TEK: variants seen among roughly 807,000 people sequenced by gnomAD.
The protein encoded by TEK is angiopoietin-1 receptor.
Under a neutral mutation model 131.8 loss-of-function variants are expected in TEK, and 43 were observed. The ratio of observed to expected loss-of-function variants is 0.33; its 90% CI spans 0.26 to 0.42. TEK has a LOEUF of 0.42. TEK is among the 10% of genes least tolerant of loss of function. The pLI is 1.00. For missense variants in TEK, 1,162 were observed against 1,384.4 expected, an observed-to-expected ratio of 0.84 and a Z score of 2.55; for synonymous variants, 580 against 491.6, an observed-to-expected ratio of 1.18 and a Z score of -2.38.
chr9:27,213,766 C>T (rs1825717600), intron 18 of TEK, among the ~76,000 whole-genome samples, 169 bp downstream of exon 18: 1 of 152,158 alleles, frequency 6.6e-6, no homozygotes, highest in African/African-American at 2.4e-5. Flanking sequence ...TGGTTCCTAA[C>T]ATGATTGCAG....
In TEK at chr9:27,184,574, CT is replaced by C. The variant is rs555497169; in HGVS notation, c.1183-909del. On this transcript the variant is annotated intron_variant, in intron 8 of 22. Coordinates refer to ENST00000380036, the MANE Select transcript of TEK (RefSeq NM_000459.5). ...TCAGGTAGAAGAAGCCAATTGATGG[CT>C]TCCAAAATCTTATTGGCTTTTTCAT... Among the ~76,000 whole-genome samples the C allele has an allele frequency of 2.6e-5, 4 of 152,264 alleles. No individual in the cohort carries two copies. The South Asian group carries it at 8.3e-4, about 32-fold the overall frequency.
At chr9:27,213,124 ATC>A (rs1825695379) in intron 17 of TEK, among the ~76,000 whole-genome samples, 1 of 152,148 alleles carries the variant, frequency 6.6e-6, no homozygotes, top group East Asian at 1.9e-4. Context: ...ATTTTCTTCT[ATC>A]TAATTTCATA....
At chr9:27,228,004 G>A (rs981345722) in intron 21 of TEK, among the ~76,000 whole-genome samples, 2 of 152,132 alleles carry the variant, frequency 1.3e-5, no homozygotes, top group Non-Finnish European at 2.9e-5. Flanking sequence ...ACAGTACCGA[G>A]GGTAGGAACT....
intron 21 of TEK, among the ~76,000 whole-genome samples, chr9:27,222,834 A>G (rs933341384): frequency 1.5e-4 from 23 of 152,134 alleles, no homozygotes; most frequent in Non-Finnish European, 1.6e-4. Context: ...CTAGTGCAGC[A>G]TAATGACAGG....
At position 27,204,707 on chromosome 9, in the gene TEK, T is replaced by A. The variant is rs10967768; in HGVS notation, c.2210-204T>A. On this transcript the variant is annotated intron_variant, in intron 13 of 22. Coordinates refer to ENST00000380036, the MANE Select transcript of TEK (RefSeq NM_000459.5). The stretch of plus-strand genomic sequence containing the variant: ...CACTTTTGCATGTTTTTTTTTTTTT[T>A]AATCTTATTACAACCCTGTGAGTCA... Among the ~76,000 whole-genome samples the A allele has an allele frequency of 0.33, 50,257 of 151,168 alleles. 8,907 individuals carry two copies. Among genetic ancestry groups the A allele is most frequent in the African/African-American group, 0.46 (18,889 of 41,130 alleles).
At chr9:27,227,675 C>A (rs767942897) in intron 21 of TEK, among the ~76,000 whole-genome samples, 2 of 152,130 alleles carry the variant, frequency 1.3e-5, no homozygotes, top group South Asian at 2.1e-4. Context: ...GGGTTCTACC[C>A]TCATGACCTG....
chr9:27,218,258 G>A (rs1323476515), intron 19 of TEK, among the ~76,000 whole-genome samples: 8 of 40,224 alleles, frequency 2.0e-4, no homozygotes, highest in Non-Finnish European at 3.5e-4. Flanking sequence ...CCAAGGCCCC[G>A]AGGGTGGTGA....
chr9:27,191,666 G>T (rs1427073879), intron 10 of TEK, among the ~76,000 whole-genome samples: 3 of 152,026 alleles, frequency 2.0e-5, no homozygotes, highest in Non-Finnish European at 4.4e-5. Context: ...GAATAAAATG[G>T]TATTATTACT....
At chr9:27,203,662 T>A (rs543360697) in intron 13 of TEK, among the ~76,000 whole-genome samples, 11 of 152,264 alleles carry the variant, frequency 7.2e-5, no homozygotes, top group South Asian at 6.2e-4. Flanking sequence ...ATTGATAAAG[T>A]CTGTTGAGTG....
At chr9:27,219,648 G>C (rs970029260) in intron 20 of TEK, among the ~76,000 whole-genome samples, 1 of 59,992 alleles carries the variant, frequency 1.7e-5, no homozygotes, top group Non-Finnish European at 4.0e-5. Flanking sequence ...AAACCAACAT[G>C]CATGGCTTTT....
chr9:27,124,679 C>T lies in TEK; in HGVS notation c.52+15037C>T, dbSNP rs1005780635. ...GCTTTGCACTGTGGTGCAACTCACT[C>T]GGCTTCATCTGTAAAATATGCAGCA... On this transcript the variant is annotated intron_variant, in intron 1 of 22. Coordinates refer to ENST00000380036, the MANE Select transcript of TEK (RefSeq NM_000459.5). 3.9e-5 allele frequency among the ~76,000 whole-genome samples: 6 copies of T among 152,310 alleles called. No individual in the cohort carries two copies. In the South Asian group the frequency reaches 6.2e-4, roughly 16 times the overall value.
intron 16 of TEK, chr9:27,210,609 C>T (rs1825575575): frequency 6.5e-6 from 1 of 153,990 alleles, no homozygotes; most frequent in Non-Finnish European, 1.4e-5. Flanking sequence ...GAGAAATGGC[C>T]AGTTGATCCA....
rs1466318448 is a variant in TEK at position 27,168,549 on chromosome 9, A to T, written c.419A>T (p.Asn140Ile). Residue 140 changes from asparagine to isoleucine, a missense_variant, in exon 3 of 23, where the codon AAC becomes ATC. Coordinates refer to ENST00000380036, the MANE Select transcript of TEK (RefSeq NM_000459.5). ...ACTGTGGACAAGGGAGATAACGTGA[A>T]CATATCTTTCAAAAAGGTATTGATT... is the stretch of plus-strand genomic sequence containing the variant. ...TMTVDKGDNVNISFKKVLIKE... is the reference protein window; with the variant it reads ...TMTVDKGDNVIISFKKVLIKE... 4 of 1,613,894 alleles carry T rather than the reference A, an allele frequency of 2.5e-6. No individual in the cohort carries two copies. The Admixed American group carries it at 5.0e-5, about 20-fold the overall frequency.
At chr9:27,111,827 A>C (rs1661406872) in intron 1 of TEK, among the ~76,000 whole-genome samples, 1 of 151,938 alleles carries the variant, frequency 6.6e-6, no homozygotes, top group African/African-American at 2.4e-5. Flanking sequence ...AGTATCTTCT[A>C]CGTGATCAAC....
intron 18 of TEK, 122 bp downstream of exon 18, chr9:27,213,719 G>C: frequency 1.3e-6 from 1 of 748,748 alleles, no homozygotes; most frequent in Non-Finnish European, 2.4e-6. Context: ...TGTCCCAGTA[G>C]ATACTGTGTG....
At chr9:27,169,789 A>C (rs922363120) in intron 4 of TEK, among the ~76,000 whole-genome samples, 160 bp downstream of exon 4, 3 of 152,270 alleles carry the variant, frequency 2.0e-5, no homozygotes, top group Admixed American at 1.3e-4. Flanking sequence ...CAAATGAATA[A>C]GAGATAGCAA....
Position 27,229,313 on chromosome 9 carries a change from C to A in TEK, c.*81C>A. The stretch of plus-strand genomic sequence containing the variant: ...CACCTGCTGAGAAAACATGCCTCTG[C>A]CAAAGGATGTGATATATAAGTGTAC... On this transcript the variant is annotated 3_prime_UTR_variant, in exon 23 of 23. Transcript: ENST00000380036. 7.5e-7 allele frequency: 1 copy of A among 1,341,860 alleles called. No homozygotes were observed. The allele number at this position is 1,341,860 out of a possible 1,614,324, so 83.1% of individuals were successfully genotyped here.
At chr9:27,212,684 G>C in intron 16 of TEK, 23 bp from the exon 17 acceptor site, 5 of 1,613,588 alleles carry the variant, frequency 3.1e-6, no homozygotes, top group Non-Finnish European at 4.2e-6. Flanking sequence ...CTGATGAGTC[G>C]ATGCTCTCTT....
At chr9:27,128,818 C>T (rs1822098273) in intron 1 of TEK, among the ~76,000 whole-genome samples, 1 of 152,162 alleles carries the variant, frequency 6.6e-6, no homozygotes, top group South Asian at 2.1e-4. Flanking sequence ...GATTTTTGCA[C>T]ATTGATTTTC....
Sources: allele counts gnomAD v4.1 joint callset (sites outside exome capture counted in the v4.1 genomes callset), GRCh38; gene constraint gnomAD v4.1.1; transcripts MANE v1.5; gene names NCBI Gene and HGNC (gene_info 2026-07-23, HGNC 2026-07-21).